Variants in PSG11 observed in about 807,000 individuals in gnomAD.
PSG11 encodes pregnancy-specific beta-1-glycoprotein 11.
Under a neutral mutation model 36.0 loss-of-function variants are expected in PSG11, and 42 were observed. The observed-to-expected ratio is 1.17, with a 90% CI of 0.91 to 1.51. The LOEUF is 1.51. Ranked by LOEUF, PSG11 falls within the 40% of genes most tolerant of loss-of-function variation. PSG11 has a pLI of 0.00. For missense variants in PSG11, 558 were observed against 403.5 expected (o/e 1.38, Z -3.28); for synonymous variants, 206 against 153.5 (o/e 1.34, Z -2.53).
At chr19:43,010,973 CT>C (rs1974063083) in intron 4 of PSG11, among the ~76,000 whole-genome samples, 2 of 150,144 alleles carry the variant, frequency 1.3e-5, no homozygotes, top group South Asian at 4.2e-4. Context: ...GTGCTAAATA[CT>C]TTACCTGTAT....
Position 43,022,857 on chromosome 19 carries a change from G to C in PSG11, c.430+1834C>G, listed in dbSNP as rs893592127. 2.0e-5 allele frequency among the ~76,000 whole-genome samples: 3 copies of C among 150,678 alleles called. No individual in the cohort carries two copies. In the East Asian group the frequency reaches 5.9e-4, roughly 29 times the overall value. On this transcript the variant is annotated intron_variant, in intron 2 of 5. Transcript: ENST00000320078. ...TTCCTATTTCCTGGGAGGTGGGCCA[G>C]GCCACAGTGTTAGCGGGAAGGGAAT... is the stretch of plus-strand genomic sequence containing the variant.
At chr19:43,015,045 C>T in intron 4 of PSG11, 71 bp downstream of exon 4, 1 of 1,609,054 alleles carries the variant, frequency 6.2e-7, no homozygotes, top group Non-Finnish European at 8.5e-7. Flanking sequence ...AAATGTTTTC[C>T]TGACTCTTCT....
chr19:43,013,008 G>T (rs575820946), intron 4 of PSG11, among the ~76,000 whole-genome samples: 2 of 151,510 alleles, frequency 1.3e-5, no homozygotes, highest in African/African-American at 2.4e-5. Flanking sequence ...CATCGAGTGT[G>T]CCAAGATCAT....
rs917080928 is a variant in PSG11 at position 43,018,453 on chromosome 19, G to C, written c.709+317C>G. Reference sequence around the variant, plus strand: ...TCTGTGGAAGGGCCACAGTGACCCTGTGAGCCAAGTCGCAAGACTGAAGTC... The same window carrying C: ...TCTGTGGAAGGGCCACAGTGACCCTCTGAGCCAAGTCGCAAGACTGAAGTC... On this transcript the variant is annotated intron_variant, in intron 3 of 5. Transcript: ENST00000320078. 54 of 519,452 alleles carry C rather than the reference G, an allele frequency of 1.0e-4. 1 individual carries two copies. Among genetic ancestry groups the C allele is most frequent in the South Asian group, 1.6e-4 (7 of 45,088 alleles). 32.2% of individuals were successfully genotyped at this position (519,452 alleles called of 1,614,324 possible).
At chr19:43,011,689 C>T (rs548435576) in intron 4 of PSG11, among the ~76,000 whole-genome samples, 8 of 151,068 alleles carry the variant, frequency 5.3e-5, no homozygotes, top group Admixed American at 2.6e-4. Context: ...GTGTTTTGAC[C>T]AGCATAGGTA....
At chr19:43,018,267 T>A in intron 3 of PSG11, 1 of 189,584 alleles carries the variant, frequency 5.3e-6, no homozygotes, top group South Asian at 1.2e-4. Flanking sequence ...CAGCCAAGAA[T>A]GCTCTGCCAG....
At chr19:43,008,997 A>G (rs867869196) in intron 5 of PSG11, among the ~76,000 whole-genome samples, 13 of 151,038 alleles carry the variant, frequency 8.6e-5, no homozygotes, top group African/African-American at 2.4e-4. Context: ...AATGTTTTCC[A>G]GTGATTCCAA....
chr19:43,010,054 G>A lies in PSG11; in HGVS notation c.965-13C>T. On this transcript the variant is annotated splice_polypyrimidine_tract_variant and intron_variant, in intron 4 of 5. Coordinates refer to ENST00000320078, the MANE Select transcript of PSG11 (RefSeq NM_002785.3). ...AATCCTGGAGGAGCTGTCATGGAAAGAAAAGAAAAGAAGGAATGAAGGTGA... is the reference window on the plus strand; with the variant it reads ...AATCCTGGAGGAGCTGTCATGGAAAAAAAAGAAAAGAAGGAATGAAGGTGA... 6.2e-7 allele frequency: 1 copy of A among 1,605,816 alleles called. No homozygotes were observed. Among genetic ancestry groups the A allele is most frequent in the East Asian group, 2.2e-5 (1 of 44,682 alleles).
intron 2 of PSG11, among the ~76,000 whole-genome samples, chr19:43,021,894 T>G (rs1599679481): frequency 6.6e-6 from 1 of 151,336 alleles, no homozygotes; most frequent in African/African-American, 2.4e-5. Flanking sequence ...GGTGAGTCAG[T>G]GCAGAGATTA....
In PSG11 at chr19:43,020,216, G is replaced by C. The variant is rs569439456; in HGVS notation, c.431-1168C>G. 9.2e-4 allele frequency among the ~76,000 whole-genome samples: 139 copies of C among 151,564 alleles called. 5 individuals carry two copies. Among genetic ancestry groups the C allele is most frequent in the African/African-American group, 3.3e-3 (136 of 41,146 alleles). On this transcript the variant is annotated intron_variant, in intron 2 of 5. Transcript: ENST00000320078. ...ATACAGATAAAGTGCTTCTTATGCA[G>C]AAAGGTTAAAACAAAGTGTTTTGGA...
At position 43,016,322 on chromosome 19, in the gene PSG11, CT is replaced by C. The variant is rs1354065520; in HGVS notation, c.710-953del. ...GATACGTCAGTGGGAGTCACAGCCC[CT>C]GGTACCCCTCCCAGTCCCTCCATAA... On this transcript the variant is annotated intron_variant, in intron 3 of 5. Coordinates refer to ENST00000320078, the MANE Select transcript of PSG11 (RefSeq NM_002785.3). Among the ~76,000 whole-genome samples the C allele has an allele frequency of 7.9e-5, 12 of 151,450 alleles. No homozygotes were observed. In the East Asian group the frequency reaches 1.9e-3, roughly 24 times the overall value.
chr19:43,019,026 G>A lies in PSG11; in HGVS notation c.453C>T (p.Ile151=). 6.2e-7 allele frequency: 1 copy of A among 1,611,930 alleles called. No homozygotes were observed. The highest frequency in any genetic ancestry group is 2.2e-5 in the East Asian group (1 of 44,788). ...CCCTGGGGTTTAAGTTGCTGCTGGA[G>A]ATGGAGGGCTTGGGAGTCTCCACTG... ...TLYLETPKPS[I]SSSNLNPREA... The change falls in exon 3 of 6, where the codon ATC becomes ATT. Residue 151 remains isoleucine, a synonymous_variant. Transcript: ENST00000320078.
chr19:43,020,752 A>G (rs138506008), intron 2 of PSG11, among the ~76,000 whole-genome samples: 3,087 of 150,728 alleles, frequency 0.02, 166 homozygotes, highest in African/African-American at 0.07. Context: ...ATTACATAAA[A>G]GGAGGAAGGA....
At position 43,025,300 on chromosome 19, in the gene PSG11, T is replaced by C. The variant is rs778538420; in HGVS notation, c.65-244A>G. 100 of 702,522 alleles carry C rather than the reference T, an allele frequency of 1.4e-4. 2 individuals are homozygous for C. The highest frequency in any genetic ancestry group is 1.8e-4 in the Non-Finnish European group (82 of 465,038). 43.5% of individuals were successfully genotyped at this position (702,522 alleles called of 1,614,324 possible). A position where few individuals can be genotyped will look rare whatever the true frequency, so the allele number is the denominator to read the frequency against. ...GCATGACCCCCATTCCTTCAACACT[T>C]CTGACCTTGGCATTTTTCTGTTTGG... On this transcript the variant is annotated intron_variant, in intron 1 of 5. Transcript: ENST00000320078.
chr19:43,021,749 C>T (rs941103856), intron 2 of PSG11, among the ~76,000 whole-genome samples: 7 of 151,578 alleles, frequency 4.6e-5, no homozygotes, highest in Admixed American at 2.0e-4. Flanking sequence ...ATGCCTGACA[C>T]GAAGCCAGAA....
At chr19:43,015,634 C>T (rs556584763) in intron 3 of PSG11, 52 of 1,492,100 alleles carry the variant, frequency 3.5e-5, no homozygotes, top group Non-Finnish European at 4.4e-5. Context: ...TTTCCCAGGG[C>T]AGGGAGTCAT....
At position 43,015,358 on chromosome 19, in the gene PSG11, A is replaced by G. The variant is rs1966934912; in HGVS notation, c.722T>C (p.Leu241Pro). ...GGTGACTGAAGGGAAAATTCTGGGG[A>G]GGTCTGGACCATCTGGAGGAAAGAG... ...VTLNLLHGPD[L>P]PRIFPSVTSY... The change falls in exon 4 of 6, where the codon CTC becomes CCC. Residue 241 changes from leucine to proline, a missense_variant. Physicochemically the swap from Leu to Pro is moderately conservative, Grantham distance 98 (BLOSUM62 -3). Transcript: ENST00000320078. 1 of 1,609,824 alleles carries G rather than the reference A, an allele frequency of 6.2e-7. No homozygotes were observed. The highest frequency in any genetic ancestry group is 8.5e-7 in the Non-Finnish European group (1 of 1,177,660).
Position 43,015,136 on chromosome 19 carries a change from G to C in PSG11, c.944C>G (p.Ser315Cys), listed in dbSNP as rs754413450. Residue 315 changes from serine to cysteine, a missense_variant, in exon 4 of 6, where the codon TCC becomes TGC. Coordinates refer to ENST00000320078, the MANE Select transcript of PSG11 (RefSeq NM_002785.3). The part of the protein sequence containing the change: ...NSATGEESST[S>C]LTIRVIAPPG... ...CTTACCAATGACTCTGATTGTCAAG[G>C]ATGTGGAGCTTTCCTCGCCAGTGGC... is the stretch of plus-strand genomic sequence containing the variant. 3 of 1,611,880 alleles carry C rather than the reference G, an allele frequency of 1.9e-6. No homozygotes were observed.
Position 43,024,820 on chromosome 19 carries a change from C to G in PSG11, c.301G>C (p.Val101Leu). Residue 101 changes from valine (V) to leucine (L), a missense_variant, in exon 2 of 6, where the codon GTA (valine) becomes CTA (leucine). Coordinates refer to ENST00000320078, the MANE Select transcript of PSG11 (RefSeq NM_002785.3). Reference sequence around the variant, plus strand: ...ATCAGCAGGGATGCATTGGAATATACTGTTTCTCGTCCACTGTATGCCGGT... The same window carrying G: ...ATCAGCAGGGATGCATTGGAATATAGTGTTTCTCGTCCACTGTATGCCGGT... ...YGPAYSGRETVYSNASLLIQN... is the reference protein window; with the variant it reads ...YGPAYSGRETLYSNASLLIQN... 6.2e-7 allele frequency: 1 copy of G among 1,611,920 alleles called. No homozygotes were observed. Among genetic ancestry groups the G allele is most frequent in the Non-Finnish European group, 8.5e-7 (1 of 1,179,110 alleles).
Sources: gnomAD v4.1 joint callset for allele counts (sites outside exome capture counted in the v4.1 genomes callset) on GRCh38, gnomAD v4.1.1 for gene constraint, MANE v1.5 for transcripts, NCBI Gene and HGNC (gene_info 2026-07-23, HGNC 2026-07-21) for gene names.